NDST4: variants seen among roughly 807,000 people sequenced by gnomAD.
NDST4 encodes the protein N-deacetylase and N-sulfotransferase 4.
In NDST4, 63 loss-of-function variants were observed where a neutral mutation model predicts 100.8. That is an observed-to-expected ratio of 0.62 (90% CI 0.51 to 0.77). NDST4 has a LOEUF of 0.77. NDST4 is among the 30% of genes least tolerant of loss of function. The pLI is 0.00. For synonymous variants in NDST4, 377 were observed against 361.8 expected, an observed-to-expected ratio of 1.04 and a Z score of -0.48; for missense variants, 943 against 1,018.4, an observed-to-expected ratio of 0.93 and a Z score of 1.01.
chr4:115,042,384 A>G (rs553467672), intron 2 of NDST4, among the ~76,000 whole-genome samples: 5 of 152,272 alleles, frequency 3.3e-5, no homozygotes, highest in South Asian at 2.1e-4. Flanking sequence ...GTCTACTGCT[A>G]TGTCACAAGA....
At chr4:114,991,070 G>A (rs1445405370) in intron 2 of NDST4, among the ~76,000 whole-genome samples, 2 of 151,462 alleles carry the variant, frequency 1.3e-5, no homozygotes, top group East Asian at 3.9e-4. Context: ...AAGAGAAGAG[G>A]TTATCAAACC....
intron 2 of NDST4, among the ~76,000 whole-genome samples, chr4:115,069,431 T>C (rs535087802): frequency 4.0e-4 from 61 of 152,132 alleles, no homozygotes; most frequent in Non-Finnish European, 6.6e-4. Context: ...ATCCAGTATC[T>C]ATAAGGAACT....
In NDST4 at chr4:114,841,891, A is replaced by G. The variant is rs1189019290; in HGVS notation, c.2116-2343T>C. Among the ~76,000 whole-genome samples the G allele has an allele frequency of 7.9e-5, 12 of 152,210 alleles. No individual in the cohort carries two copies. The East Asian group carries it at 1.7e-3, about 22-fold the overall frequency. Reference sequence around the variant, plus strand: ...CTCGACCTCCAGTTTGCAATGTCACATTTTTCTATACATCAGTATTTGTTT... The same window carrying G: ...CTCGACCTCCAGTTTGCAATGTCACGTTTTTCTATACATCAGTATTTGTTT... On this transcript the variant is annotated intron_variant, in intron 10 of 13. Coordinates refer to ENST00000264363, the MANE Select transcript of NDST4 (RefSeq NM_022569.3).
intron 2 of NDST4, among the ~76,000 whole-genome samples, chr4:115,026,262 A>G (rs1727982077): frequency 6.6e-6 from 1 of 152,136 alleles, no homozygotes; most frequent in Non-Finnish European, 1.5e-5. Context: ...AGAAGGAATA[A>G]TAATTATTTA....
intron 6 of NDST4, among the ~76,000 whole-genome samples, chr4:114,916,048 G>A (rs994325692): frequency 6.6e-6 from 1 of 152,096 alleles, no homozygotes; most frequent in African/African-American, 2.4e-5. Flanking sequence ...ACAACCTGTT[G>A]GTCTCATACC....
intron 1 of NDST4, among the ~76,000 whole-genome samples, chr4:115,088,061 T>G (rs1351439996): frequency 6.6e-6 from 1 of 151,952 alleles, no homozygotes; most frequent in Non-Finnish European, 1.5e-5. Flanking sequence ...CTTTGAAATA[T>G]ACATCATTAT....
At chr4:114,955,737 T>G (rs1726125100) in intron 4 of NDST4, 1 of 152,166 alleles carries the variant, frequency 6.6e-6, no homozygotes, top group South Asian at 2.1e-4. Flanking sequence ...ATATAACCCA[T>G]GCAAAACCAT....
At chr4:115,028,969 T>C (rs1728048582) in intron 2 of NDST4, among the ~76,000 whole-genome samples, 1 of 152,112 alleles carries the variant, frequency 6.6e-6, no homozygotes, top group Non-Finnish European at 1.5e-5. Flanking sequence ...AGGACTCTAT[T>C]ACTGCTCCAA....
chr4:115,034,751 G>T (rs1388879576), intron 2 of NDST4, among the ~76,000 whole-genome samples: 1 of 151,974 alleles, frequency 6.6e-6, no homozygotes, highest in Non-Finnish European at 1.5e-5. Context: ...TGCACCAAAT[G>T]CTCCCTCAGC....
At position 114,986,793 on chromosome 4, in the gene NDST4, CATATATATATATATATATATATAT is replaced by C. The variant is rs59806494; in HGVS notation, c.979-9543_979-9520del. ...CCTCTAAGCCTGGTATCCAATTATA[CATATATATATATATATATATATAT>C]ATATATATATATATATTTTAATATA... On this transcript the variant is annotated intron_variant, in intron 2 of 13. Transcript: ENST00000264363. Among the ~76,000 whole-genome samples, 20 of 91,140 alleles carry C rather than the reference CATATATATATATATATATATATAT, an allele frequency of 2.2e-4. 2 individuals carry two copies. The highest frequency in any genetic ancestry group is 8.6e-4 in the African/African-American group (19 of 22,114). The allele number at this position is 91,140 out of a possible 152,430, so 59.8% of individuals were successfully genotyped here.
At chr4:114,890,827 A>G (rs1397833018) in intron 6 of NDST4, among the ~76,000 whole-genome samples, 1 of 152,072 alleles carries the variant, frequency 6.6e-6, no homozygotes, top group Non-Finnish European at 1.5e-5. Flanking sequence ...CCTCTCCACT[A>G]TCACTTTGCC....
Position 114,986,832 on chromosome 4 carries a change from A to ATATATATATATATATATATTTTTT in NDST4, c.979-9559_979-9558insAAAAAATATATATATATATATATA. 7.2e-4 allele frequency among the ~76,000 whole-genome samples: 68 copies of ATATATATATATATATATATTTTTT among 94,620 alleles called. 2 individuals are homozygous for ATATATATATATATATATATTTTTT. The highest frequency in any genetic ancestry group is 1.1e-3 in the Non-Finnish European group (50 of 46,208). The allele number at this position is 94,620 out of a possible 152,430, so 62.1% of individuals were successfully genotyped here. A position where few individuals can be genotyped will look rare whatever the true frequency, so the allele number is the denominator to read the frequency against. Reference sequence around the variant, plus strand: ...TATATATATATATATATATATATATATTTTAATATACTATTCCTATAAGCT... The same window carrying ATATATATATATATATATATTTTTT: ...TATATATATATATATATATATATATATATATATATATATATATATTTTTTTTTTAATATACTATTCCTATAAGCT... On this transcript the variant is annotated intron_variant, in intron 2 of 13. Coordinates refer to ENST00000264363, the MANE Select transcript of NDST4 (RefSeq NM_022569.3).
intron 2 of NDST4, among the ~76,000 whole-genome samples, chr4:115,034,328 C>T (rs1728187356): frequency 6.6e-6 from 1 of 152,054 alleles, no homozygotes; most frequent in Admixed American, 6.6e-5. Flanking sequence ...CTTCCTCCTT[C>T]CACTTGCTGT....
At chr4:114,929,969 A>T (rs943113566) in intron 6 of NDST4, among the ~76,000 whole-genome samples, 4 of 152,184 alleles carry the variant, frequency 2.6e-5, no homozygotes, top group Admixed American at 2.6e-4. Context: ...CCCTAAAGAG[A>T]TGACTAGGGC....
At position 115,076,842 on chromosome 4, in the gene NDST4, C is replaced by T. The variant is rs996424865; in HGVS notation, c.195G>A (p.Leu65=). 6.2e-7 allele frequency: 1 copy of T among 1,613,800 alleles called. No homozygotes were observed. The highest frequency in any genetic ancestry group is 8.5e-7 in the Non-Finnish European group (1 of 1,179,882). ...ATGTGTCAATAGGTTTAACTGTTTT[C>T]AGCTCCATTGACCTATATGGTAGAA... The part of the protein sequence containing the change: ...IKILPYRSME[L]KTVKPIDTSK... Residue 65 remains leucine, a synonymous_variant, in exon 2 of 14, where the codon CTG becomes CTA. Coordinates refer to ENST00000264363, the MANE Select transcript of NDST4 (RefSeq NM_022569.3).
intron 4 of NDST4, among the ~76,000 whole-genome samples, chr4:114,956,428 G>T (rs1049226372): frequency 1.3e-5 from 2 of 152,154 alleles, no homozygotes; most frequent in African/African-American, 4.8e-5. Context: ...GGAGGCTGTT[G>T]TTATCATAAT....
intron 7 of NDST4, among the ~76,000 whole-genome samples, chr4:114,867,100 C>T (rs148529791): frequency 6.6e-6 from 1 of 152,152 alleles, no homozygotes; most frequent in Non-Finnish European, 1.5e-5. Flanking sequence ...CATTTCACTA[C>T]ACTGAGTGTC....
chr4:115,098,897 G>A (rs1729674622), intron 1 of NDST4, among the ~76,000 whole-genome samples: 1 of 152,082 alleles, frequency 6.6e-6, no homozygotes, highest in Non-Finnish European at 1.5e-5. Flanking sequence ...TGTAGAGACA[G>A]TGGTCTCACT....
Position 114,827,811 on chromosome 4 carries a change from C to T in NDST4, c.*5G>A. The stretch of plus-strand genomic sequence containing the variant: ...TCTTGAGAGGCTTAGTTCTTGTCTC[C>T]AGTGCTATCTCACTTTCTGCAGTTC... On this transcript the variant is annotated 3_prime_UTR_variant, in exon 14 of 14. Transcript: ENST00000264363. The T allele has an allele frequency of 6.2e-7, 1 of 1,609,436 alleles. No homozygotes were observed. Among genetic ancestry groups the T allele is most frequent in the Non-Finnish European group, 8.5e-7 (1 of 1,178,434 alleles).
Sources: gnomAD v4.1 joint callset for allele counts (sites outside exome capture counted in the v4.1 genomes callset) on GRCh38, gnomAD v4.1.1 for gene constraint, MANE v1.5 for transcripts, NCBI Gene and HGNC (gene_info 2026-07-23, HGNC 2026-07-21) for gene names.